The following H2BC12 variants were observed in gnomAD, a reference collection of about 807,000 sequenced individuals.
H2BC12 encodes H2B clustered histone 12.
Under a neutral mutation model 6.3 loss-of-function variants are expected in H2BC12, and 6 were observed. The observed-to-expected ratio is 0.95, with a 90% confidence interval of 0.52 to 1.87. The LOEUF (loss-of-function observed/expected upper bound fraction) is 1.87, where lower values mean the gene tolerates loss of function less well. Among genes scored for constraint, H2BC12 ranks in the 40% most tolerant of loss-of-function variants. The pLI is 0.01. For synonymous variants in H2BC12, 132 were observed against 78.5 expected, an observed-to-expected ratio of 1.68 and a Z score of -3.60; for missense variants, 119 against 178.4, an observed-to-expected ratio of 0.67 and a Z score of 1.90.
chr6:27,143,358 GA>G (rs200203669), downstream of H2BC12, among the ~76,000 whole-genome samples: 4 of 148,332 alleles, frequency 2.7e-5, no homozygotes, highest in Admixed American at 2.7e-4. Context: ...TCAAAAAAAA[GA>G]AAAAAATTTC....
At chr6:27,139,202 G>T in the H2BC12 span, 1,973 of 1,284,418 alleles carry the variant, frequency 1.5e-3, 16 homozygotes, top group African/African-American at 0.018. Context: ...AATGCAGAGG[G>T]ACTTCCCGCC....
chr6:27,139,436 G>A, the H2BC12 span: 3 of 1,614,228 alleles, frequency 1.9e-6, no homozygotes, highest in Non-Finnish European at 2.5e-6. Flanking sequence ...CGCCGCGGCG[G>A]CGTGAAGCGC....
At chr6:27,139,219 C>T in the H2BC12 span, 2 of 1,433,356 alleles carry the variant, frequency 1.4e-6, no homozygotes, top group South Asian at 2.8e-5. Flanking sequence ...CGCCAAAGCT[C>T]TTCCGGTTTT....
downstream of H2BC12, among the ~76,000 whole-genome samples, chr6:27,142,636 CTTTTTT>C (rs759784250): frequency 1.0e-5 from 1 of 100,292 alleles, no homozygotes; most frequent in Non-Finnish European, 1.8e-5. Flanking sequence ...TCCCCCCCTC[CTTTTTT>C]TTTTTTTTTT....
downstream of H2BC12, among the ~76,000 whole-genome samples, chr6:27,145,469 A>G (rs756232515): frequency 3.3e-5 from 5 of 152,176 alleles, no homozygotes; most frequent in Non-Finnish European, 5.9e-5. Flanking sequence ...CATCACCGGC[A>G]TAGTCATTCT....
chr6:27,139,570 G>A, the H2BC12 span: 1 of 1,613,964 alleles, frequency 6.2e-7, no homozygotes, highest in Non-Finnish European at 8.5e-7. Context: ...CATGGACGTG[G>A]TCTACGCGCT....
chr6:27,139,379 G>A, the H2BC12 span: 1 of 1,614,210 alleles, frequency 6.2e-7, no homozygotes. Context: ...AAGGTGCTGC[G>A]CGACAACATC....
At chr6:27,140,086 G>A in the H2BC12 span, among the ~76,000 whole-genome samples, 13,344 of 152,102 alleles carry the variant, frequency 0.088, 1,140 homozygotes, top group African/African-American at 0.21. Context: ...CTCTGCATGG[G>A]GGGGAGGGGG....
At position 27,146,595 on chromosome 6, in the gene H2BC12, G is replaced by A. The variant is rs188412684; in HGVS notation, c.204C>T (p.Asn68=). 8.4e-5 allele frequency: 135 copies of A among 1,614,270 alleles called. No individual in the cohort carries two copies. In the East Asian group the frequency reaches 2.7e-3, roughly 32 times the overall value. The change falls in exon 1 of 1, where the codon AAC becomes AAT. Residue 68 remains asparagine (N), a synonymous_variant. Transcript: ENST00000356950. The stretch of plus-strand genomic sequence containing the variant: ...CACCCGCGATGCGTTCGAAGATGTC[G>A]TTGACGAAGGAGTTCATGATTCCCA... The part of the protein sequence containing the change: ...KAMGIMNSFV[N]DIFERIAGEA...
At position 27,146,535 on chromosome 6, in the gene H2BC12, C is replaced by A; in HGVS notation, c.264G>T (p.Ser88=). The change falls in exon 1 of 1, where the codon TCG becomes TCT. Residue 88 remains serine, a synonymous_variant. Transcript: ENST00000356950. ...ASRLAHYNKR[S]TITSREIQTA... is the part of the protein sequence containing the mutation. ...TCTGGATCTCCCTGGAGGTGATGGT[C>A]GAGCGCTTGTTGTAATGCGCCAGGC... 1 of 1,614,232 alleles carries A rather than the reference C, an allele frequency of 6.2e-7. No individual in the cohort carries two copies. The highest frequency in any genetic ancestry group is 8.5e-7 in the Non-Finnish European group (1 of 1,180,052).
At chr6:27,139,352 G>C in the H2BC12 span, 1 of 1,613,924 alleles carries the variant, frequency 6.2e-7, no homozygotes. Flanking sequence ...GGGAAAGGGG[G>C]TGCCAAGCGC....
At chr6:27,139,586 G>A in the H2BC12 span, 2 of 1,613,464 alleles carry the variant, frequency 1.2e-6, no homozygotes, top group African/African-American at 1.3e-5. Flanking sequence ...GCGCTCAAGC[G>A]CCAGGGCCGC....
chr6:27,140,508 TTC>T, the H2BC12 span, among the ~76,000 whole-genome samples: 2 of 151,996 alleles, frequency 1.3e-5, no homozygotes, highest in South Asian at 4.1e-4. Context: ...CTTTATTCAT[TTC>T]TCTGTTGATT....
At chr6:27,143,425 T>A (rs999717130), downstream of H2BC12, among the ~76,000 whole-genome samples, 2 of 152,088 alleles carry the variant, frequency 1.3e-5, no homozygotes, top group Non-Finnish European at 2.9e-5. Flanking sequence ...CAACTGTACT[T>A]ATACCTCAGG....
chr6:27,139,898 AT>A, the H2BC12 span: 1 of 476,130 alleles, frequency 2.1e-6, no homozygotes, highest in Non-Finnish European at 3.8e-6. Flanking sequence ...TACCGCTCGG[AT>A]TAGTTTAGAA....
chr6:27,138,668 G>A, the H2BC12 span: 1 of 152,186 alleles, frequency 6.6e-6, no homozygotes, highest in Non-Finnish European at 1.5e-5. Context: ...GGAAATTCCA[G>A]AGAAAGTCCC....
downstream of H2BC12, among the ~76,000 whole-genome samples, chr6:27,145,125 A>T (rs1760055402): frequency 6.6e-6 from 1 of 152,190 alleles, no homozygotes; most frequent in African/African-American, 2.4e-5. Flanking sequence ...CATTTCTTAG[A>T]ATATTAATGT....
downstream of H2BC12, chr6:27,146,354 G>A (rs1039825531): frequency 1.0e-5 from 16 of 1,607,248 alleles, no homozygotes; most frequent in African/African-American, 8.1e-5. Flanking sequence ...CTCTAATATC[G>A]ATAATTTAAG....
At chr6:27,139,746 A>G in the H2BC12 span, 19 of 1,389,712 alleles carry the variant, frequency 1.4e-5, no homozygotes, top group Non-Finnish European at 1.8e-5. Flanking sequence ...GAGTTCTGTC[A>G]TCCTATTTTA....
Sources: allele counts gnomAD v4.1 joint callset (sites outside exome capture counted in the v4.1 genomes callset), GRCh38; gene constraint gnomAD v4.1.1; transcripts MANE v1.5; gene names NCBI Gene and HGNC (gene_info 2026-07-23, HGNC 2026-07-21).